Variants in KIFAP3 observed in about 807,000 individuals in gnomAD.
KIFAP3 encodes the protein kinesin associated protein 3.
KIFAP3 carries 68 observed loss-of-function variants against 106.5 expected under a neutral mutation model. That is an observed-to-expected ratio of 0.64 (90% CI 0.53 to 0.78). The LOEUF is 0.78. KIFAP3 is among the 30% of genes least tolerant of loss of function. The probability of loss-of-function intolerance (pLI) is 0.00; values close to 1 mark genes in which losing one functional copy is unlikely to be tolerated. For missense variants in KIFAP3, 780 were observed against 941.8 expected (o/e 0.83, Z 2.25); for synonymous variants, 320 against 311.5 (o/e 1.03, Z -0.29).
intron 10 of KIFAP3, among the ~76,000 whole-genome samples, chr1:170,001,337 T>C (rs1273969578): frequency 6.6e-6 from 1 of 152,082 alleles, no homozygotes; most frequent in Non-Finnish European, 1.5e-5. Context: ...GGAGACACCC[T>C]AGGCAATATT....
At chr1:170,065,485 G>T (rs969869221) in intron 1 of KIFAP3, among the ~76,000 whole-genome samples, 6 of 151,612 alleles carry the variant, frequency 4.0e-5, no homozygotes, top group African/African-American at 1.5e-4. Flanking sequence ...ATGGTGGCGG[G>T]CACCTGTAGT....
At chr1:170,076,232 A>C (rs929228209), upstream of KIFAP3, among the ~76,000 whole-genome samples, 6 of 152,302 alleles carry the variant, frequency 3.9e-5, no homozygotes, top group East Asian at 5.8e-4. Context: ...ACAACAACAA[A>C]AAAACCTAAA....
intron 19 of KIFAP3, among the ~76,000 whole-genome samples, chr1:169,942,787 G>A (rs139401277): frequency 1.4e-3 from 216 of 152,162 alleles, no homozygotes; most frequent in Middle Eastern, 6.8e-3. Flanking sequence ...ACAGAGCCCA[G>A]TTAAAAACTA....
chr1:170,001,070 G>C (rs915520693), intron 10 of KIFAP3, among the ~76,000 whole-genome samples: 1 of 151,940 alleles, frequency 6.6e-6, no homozygotes, highest in East Asian at 1.9e-4. Context: ...ATTTTCATTT[G>C]TTTTAGTATG....
At chr1:169,936,506 G>A (rs963811570) in intron 19 of KIFAP3, among the ~76,000 whole-genome samples, 7 of 151,836 alleles carry the variant, frequency 4.6e-5, no homozygotes, top group Middle Eastern at 3.4e-3. Context: ...ATCAAAGTAC[G>A]ATGTTTTATG....
At chr1:169,989,771 A>AT (rs1336180585) in intron 11 of KIFAP3, among the ~76,000 whole-genome samples, 3 of 152,072 alleles carry the variant, frequency 2.0e-5, no homozygotes, top group South Asian at 2.1e-4. Flanking sequence ...GAGTTTATCA[A>AT]TTTTTTAAAT....
intron 1 of KIFAP3, among the ~76,000 whole-genome samples, chr1:170,082,905 A>G (rs1170937312): frequency 6.6e-6 from 1 of 152,142 alleles, no homozygotes; most frequent in Non-Finnish European, 1.5e-5. Flanking sequence ...CCCAGGAGGC[A>G]GAGGTTGCAG....
At chr1:170,033,733 A>G (rs1669535586) in intron 7 of KIFAP3, among the ~76,000 whole-genome samples, 1 of 151,790 alleles carries the variant, frequency 6.6e-6, no homozygotes, top group Non-Finnish European at 1.5e-5. Context: ...AATAAACAGA[A>G]TGCTAAACCA....
intron 1 of KIFAP3, among the ~76,000 whole-genome samples, chr1:170,061,956 T>C (rs1423707600): frequency 6.6e-6 from 1 of 151,980 alleles, no homozygotes; most frequent in African/African-American, 2.4e-5. Context: ...AGGTGGGAAT[T>C]GAACAATGAG....
intron 16 of KIFAP3, among the ~76,000 whole-genome samples, chr1:169,977,120 T>C (rs1242208242): frequency 6.6e-6 from 1 of 152,224 alleles, no homozygotes; most frequent in Non-Finnish European, 1.5e-5. Flanking sequence ...GACTTTCTTA[T>C]ATATCTAACA....
intron 9 of KIFAP3, among the ~76,000 whole-genome samples, chr1:170,022,433 A>T (rs1463617451): frequency 1.4e-5 from 2 of 146,882 alleles, no homozygotes; most frequent in East Asian, 2.0e-4. Context: ...AAATGTCTTT[A>T]AAAAAAAAAG....
At chr1:169,974,184 A>G (rs1666095637) in intron 16 of KIFAP3, among the ~76,000 whole-genome samples, 1 of 152,018 alleles carries the variant, frequency 6.6e-6, no homozygotes, top group South Asian at 2.1e-4. Flanking sequence ...GAGATAATAA[A>G]GCAAATTCAA....
intron 19 of KIFAP3, among the ~76,000 whole-genome samples, chr1:169,931,679 T>C (rs980434189): frequency 7.9e-5 from 12 of 152,184 alleles, no homozygotes; most frequent in South Asian, 4.1e-4. Context: ...CTTTAAATAA[T>C]TGTTTGTCTG....
chr1:169,983,844 T>C (rs192380282), intron 12 of KIFAP3, among the ~76,000 whole-genome samples: 19 of 152,000 alleles, frequency 1.3e-4, no homozygotes, highest in African/African-American at 3.1e-4. Flanking sequence ...GTAATTACTA[T>C]AGCACTGTTT....
chr1:170,078,269 A>G (rs1052295019), upstream of KIFAP3, among the ~76,000 whole-genome samples: 1 of 151,960 alleles, frequency 6.6e-6, no homozygotes, highest in East Asian at 1.9e-4. Flanking sequence ...GTGCAGGGCT[A>G]TCTCACTTGA....
intron 1 of KIFAP3, among the ~76,000 whole-genome samples, chr1:170,060,548 G>T (rs532823709): frequency 6.6e-6 from 1 of 152,190 alleles, no homozygotes; most frequent in African/African-American, 2.4e-5. Context: ...CATGCTCATG[G>T]ATAGGAAGAA....
rs1571670145 is a variant in KIFAP3 at position 170,016,499 on chromosome 1, T to A, written c.1146A>T (p.Val382=). ...SFDTGLRNKM[V]QVGLLPKLTA... is the part of the protein sequence containing the mutation. ...TGAGCTTGGGAAGCAGTCCAACTTG[T>A]ACCATCTTATTCCTCAGTCCTGTGT... The change falls in exon 10 of 20, where the codon GTA becomes GTT. Residue 382 remains valine, a synonymous_variant. Coordinates refer to ENST00000361580, the MANE Select transcript of KIFAP3 (RefSeq NM_014970.4). 1 of 1,608,632 alleles carries A rather than the reference T, an allele frequency of 6.2e-7. No individual in the cohort carries two copies. The highest frequency in any genetic ancestry group is 8.5e-7 in the Non-Finnish European group (1 of 1,177,878).
At chr1:170,055,269 C>A in intron 2 of KIFAP3, 36 bp downstream of exon 2, 1 of 1,563,768 alleles carries the variant, frequency 6.4e-7, no homozygotes, top group South Asian at 1.2e-5. Context: ...ATATAATGTT[C>A]ACTACTTTCA....
chr1:170,064,886 C>A (rs183513390), intron 1 of KIFAP3, among the ~76,000 whole-genome samples: 8 of 152,306 alleles, frequency 5.3e-5, no homozygotes, highest in Non-Finnish European at 1.2e-4. Flanking sequence ...TCTTAAAGCA[C>A]TGTTAGATTA....
Sources: gnomAD v4.1 joint callset for allele counts (sites outside exome capture counted in the v4.1 genomes callset) on GRCh38, gnomAD v4.1.1 for gene constraint, MANE v1.5 for transcripts, NCBI Gene and HGNC (gene_info 2026-07-23, HGNC 2026-07-21) for gene names.